The following CHST11 variants were observed in gnomAD, a reference collection of about 807,000 sequenced individuals.
CHST11 encodes C4S-1.
In CHST11, 9 loss-of-function variants were observed where a neutral mutation model predicts 30.4. That is an observed-to-expected ratio of 0.30 (90% CI 0.18 to 0.52). The LOEUF (loss-of-function observed/expected upper bound fraction) is 0.52. Ranked by LOEUF, CHST11 falls within the 20% of genes least tolerant of loss-of-function variation. The pLI is 0.97. For missense variants in CHST11, 348 were observed against 460.6 expected (o/e 0.76, Z 2.24); for synonymous variants, 152 against 187.8 (o/e 0.81, Z 1.56).
At chr12:104,503,466 A>T (rs573972878) in intron 1 of CHST11, among the ~76,000 whole-genome samples, 1 of 152,216 alleles carries the variant, frequency 6.6e-6, no homozygotes, top group Non-Finnish European at 1.5e-5. Flanking sequence ...GCTGGCATTT[A>T]ATACCCACCT....
At chr12:104,742,867 T>A (rs1212891740) in intron 2 of CHST11, among the ~76,000 whole-genome samples, 1 of 152,252 alleles carries the variant, frequency 6.6e-6, no homozygotes, top group African/African-American at 2.4e-5. Flanking sequence ...CATCAAAAGC[T>A]GTTGCATTTC....
chr12:104,466,942 G>A (rs2037465709), intron 1 of CHST11, among the ~76,000 whole-genome samples: 1 of 152,152 alleles, frequency 6.6e-6, no homozygotes, highest in South Asian at 2.1e-4. Flanking sequence ...AGATACAATG[G>A]AGAGCTAGTA....
intron 1 of CHST11, among the ~76,000 whole-genome samples, chr12:104,542,643 A>G (rs1298089085): frequency 6.6e-6 from 1 of 152,222 alleles, no homozygotes; most frequent in Non-Finnish European, 1.5e-5. Context: ...TGTCCAGCAC[A>G]TAGTGTGTGT....
chr12:104,485,945 C>G (rs1396863102), intron 1 of CHST11, among the ~76,000 whole-genome samples: 1 of 152,202 alleles, frequency 6.6e-6, no homozygotes, highest in Non-Finnish European at 1.5e-5. Context: ...GCACGGCCTG[C>G]TTGGTTAAAA....
intron 1 of CHST11, among the ~76,000 whole-genome samples, chr12:104,516,930 CTGTT>C (rs2135985297): frequency 6.6e-6 from 1 of 152,240 alleles, no homozygotes; most frequent in East Asian, 1.9e-4. Flanking sequence ...CAAAATGTTC[CTGTT>C]TGTTCTTCCT....
At chr12:104,578,536 G>A (rs1055466679) in intron 1 of CHST11, among the ~76,000 whole-genome samples, 3 of 152,132 alleles carry the variant, frequency 2.0e-5, no homozygotes, top group African/African-American at 7.2e-5. Context: ...AGAGCGCTGG[G>A]TCCGTTGGCT....
intron 2 of CHST11, among the ~76,000 whole-genome samples, chr12:104,705,918 T>A (rs866124566): frequency 2.0e-5 from 3 of 149,158 alleles, no homozygotes; most frequent in Admixed American, 6.7e-5. Context: ...TCTCAAAAAA[T>A]AAAAAAAAAA....
intron 2 of CHST11, among the ~76,000 whole-genome samples, chr12:104,750,588 T>G (rs2040423217): frequency 6.6e-6 from 1 of 151,388 alleles, no homozygotes; most frequent in Non-Finnish European, 1.5e-5. Flanking sequence ...GGAGTACAGG[T>G]GTCTGCCACC....
intron 2 of CHST11, among the ~76,000 whole-genome samples, chr12:104,756,142 A>G (rs551843811): frequency 6.6e-6 from 1 of 152,346 alleles, no homozygotes; most frequent in Non-Finnish European, 1.5e-5. Flanking sequence ...TTCCATTTAT[A>G]TAAAAGAAGG....
intron 1 of CHST11, among the ~76,000 whole-genome samples, chr12:104,527,856 G>A (rs1457419822): frequency 6.6e-6 from 1 of 152,208 alleles, no homozygotes; most frequent in Non-Finnish European, 1.5e-5. Flanking sequence ...GAAGGTGAAA[G>A]GGAAGCAAGG....
chr12:104,537,416 A>AG (rs2038247243), intron 1 of CHST11, among the ~76,000 whole-genome samples: 1 of 152,198 alleles, frequency 6.6e-6, no homozygotes, highest in Non-Finnish European at 1.5e-5. Flanking sequence ...AGCAGTTAAC[A>AG]GGGTGGGCTC....
chr12:104,476,638 G>T (rs1271480120), intron 1 of CHST11, among the ~76,000 whole-genome samples: 1 of 151,940 alleles, frequency 6.6e-6, no homozygotes, highest in Non-Finnish European at 1.5e-5. Flanking sequence ...TTTCAGAGGG[G>T]CAATTCAGAG....
intron 1 of CHST11, among the ~76,000 whole-genome samples, chr12:104,488,942 C>T (rs1300929766): frequency 6.6e-6 from 1 of 152,132 alleles, no homozygotes; most frequent in African/African-American, 2.4e-5. Flanking sequence ...GCTTGATGGC[C>T]ACCTTCTCAC....
At chr12:104,601,230 T>C (rs2038954746) in intron 1 of CHST11, among the ~76,000 whole-genome samples, 1 of 152,200 alleles carries the variant, frequency 6.6e-6, no homozygotes, top group Non-Finnish European at 1.5e-5. Context: ...AAGAAAGAAT[T>C]CATTGCCATT....
At chr12:104,611,622 A>C (rs1426739814) in intron 2 of CHST11, among the ~76,000 whole-genome samples, 1 of 152,106 alleles carries the variant, frequency 6.6e-6, no homozygotes, top group Non-Finnish European at 1.5e-5. Flanking sequence ...CAGCATGGGG[A>C]GGTGACCAGG....
intron 1 of CHST11, among the ~76,000 whole-genome samples, chr12:104,490,423 T>G (rs1435336001): frequency 6.6e-6 from 1 of 152,174 alleles, no homozygotes; most frequent in African/African-American, 2.4e-5. Context: ...TGCACCAATA[T>G]TAAAATGGAC....
intron 2 of CHST11, among the ~76,000 whole-genome samples, chr12:104,615,815 C>T (rs1368849816): frequency 1.3e-5 from 2 of 152,126 alleles, no homozygotes; most frequent in Non-Finnish European, 2.9e-5. Flanking sequence ...GCAGTCTCAG[C>T]TACTCAAAAG....
chr12:104,730,450 G>A lies in CHST11; in HGVS notation c.205-26499G>A, dbSNP rs182800683. On this transcript the variant is annotated intron_variant, in intron 2 of 2. Coordinates refer to ENST00000303694, the MANE Select transcript of CHST11 (RefSeq NM_018413.6). ...CCTGGCAACTGTTTACTGAACTCCTGCCATGCTAGGTGTGAGGGAGGGGCT... is the reference window on the plus strand; with the variant it reads ...CCTGGCAACTGTTTACTGAACTCCTACCATGCTAGGTGTGAGGGAGGGGCT... Among the ~76,000 whole-genome samples the A allele has an allele frequency of 4.1e-4, 63 of 152,302 alleles. No homozygotes were observed. The East Asian group carries it at 0.012, about 28-fold the overall frequency.
intron 1 of CHST11, among the ~76,000 whole-genome samples, chr12:104,584,552 C>T (rs1349135829): frequency 6.6e-6 from 1 of 152,170 alleles, no homozygotes; most frequent in African/African-American, 2.4e-5. Context: ...CCACCATGCC[C>T]TGCCTGTTTT....
Sources: gnomAD v4.1 joint callset for allele counts (sites outside exome capture counted in the v4.1 genomes callset) on GRCh38, gnomAD v4.1.1 for gene constraint, MANE v1.5 for transcripts, NCBI Gene and HGNC (gene_info 2026-07-23, HGNC 2026-07-21) for gene names.